Variants in MRTFA observed in about 807,000 individuals in gnomAD.
The protein encoded by MRTFA is myocardin-related transcription factor A.
A neutral mutation model predicts 83.5 loss-of-function variants in MRTFA; 20 were observed. That is an observed-to-expected ratio of 0.24 (90% CI 0.17 to 0.35). MRTFA has a LOEUF of 0.35. Among genes scored for constraint, MRTFA ranks in the 10% least tolerant of loss-of-function variants. The pLI is 1.00. For synonymous variants in MRTFA, 659 were observed against 541.2 expected (o/e 1.22, Z -3.02); for missense variants, 1,200 against 1,224.7 (o/e 0.98, Z 0.30).
At chr22:40,500,004 A>AC (rs569852359) in intron 3 of MRTFA, among the ~76,000 whole-genome samples, 177 of 133,392 alleles carry the variant, frequency 1.3e-3, no homozygotes, top group African/African-American at 4.9e-3. Context: ...TCACCGGCTC[A>AC]CCGCAACGTC....
At chr22:40,423,094 C>G (rs372773426) in intron 9 of MRTFA, among the ~76,000 whole-genome samples, 22 of 152,334 alleles carry the variant, frequency 1.4e-4, no homozygotes, top group Admixed American at 7.2e-4. Flanking sequence ...GTCCCCCACA[C>G]CGACAGTGGT....
At chr22:40,554,594 G>A (rs1320945842) in intron 2 of MRTFA, among the ~76,000 whole-genome samples, 3 of 152,198 alleles carry the variant, frequency 2.0e-5, no homozygotes, top group African/African-American at 7.2e-5. Context: ...CTGTGGAACT[G>A]TGAGTCAATT....
intron 9 of MRTFA, 131 bp from the exon 10 acceptor site, chr22:40,421,231 T>A: frequency 9.4e-7 from 1 of 1,060,796 alleles, no homozygotes; most frequent in Non-Finnish European, 1.3e-6. Context: ...ATTTCCACTC[T>A]TCCCTGTGGG....
intron 11 of MRTFA, 22 bp from the exon 12 acceptor site, chr22:40,419,406 G>A: frequency 6.2e-7 from 1 of 1,608,124 alleles, no homozygotes; most frequent in Non-Finnish European, 8.5e-7. Flanking sequence ...TCAAGAGTCA[G>A]GGAGGCCAGG....
chr22:40,532,589 G>A lies in MRTFA; in HGVS notation c.241+19517C>T, dbSNP rs946596004. Among the ~76,000 whole-genome samples, 3 of 152,228 alleles carry A rather than the reference G, an allele frequency of 2.0e-5. No individual in the cohort carries two copies. In the East Asian group the frequency reaches 5.8e-4, roughly 29 times the overall value. On this transcript the variant is annotated intron_variant, in intron 3 of 14. Transcript: ENST00000355630. ...TAAAACCAGAAAGAACAAAATGGTA[G>A]TGGTATCTGTCTTCTTTGCCCCTTC...
intron 2 of MRTFA, among the ~76,000 whole-genome samples, chr22:40,562,448 C>T (rs2055634227): frequency 1.3e-5 from 2 of 150,518 alleles, no homozygotes; most frequent in Non-Finnish European, 3.0e-5. Flanking sequence ...CTAAGCTAAG[C>T]CCTGTCCAAA....
intron 2 of MRTFA, among the ~76,000 whole-genome samples, chr22:40,572,313 T>C (rs2055807744): frequency 6.6e-6 from 1 of 152,146 alleles, no homozygotes; most frequent in Admixed American, 6.5e-5. Flanking sequence ...CTAAAAACCA[T>C]CAAATTGTAC....
chr22:40,441,599 A>G lies in MRTFA; in HGVS notation c.308-6045T>C, dbSNP rs529753863. On this transcript the variant is annotated intron_variant, in intron 4 of 14. Coordinates refer to ENST00000355630, the MANE Select transcript of MRTFA (RefSeq NM_020831.6). ...CAGGAGTTCGAGACCAGCCTGGCCA[A>G]CATGGTGAAACCACCCCCCACTACT... is the stretch of plus-strand genomic sequence containing the variant. Among the ~76,000 whole-genome samples the G allele has an allele frequency of 3.3e-5, 5 of 152,254 alleles. No homozygotes were observed. The South Asian group carries it at 8.3e-4, about 25-fold the overall frequency.
At chr22:40,574,594 C>T (rs187388660) in intron 2 of MRTFA, among the ~76,000 whole-genome samples, 7 of 151,882 alleles carry the variant, frequency 4.6e-5, no homozygotes, top group Admixed American at 2.6e-4. Flanking sequence ...ACCACCACGC[C>T]GGCTGATTTT....
intron 4 of MRTFA, among the ~76,000 whole-genome samples, chr22:40,449,215 C>T (rs2053440747): frequency 6.7e-6 from 1 of 148,474 alleles, no homozygotes; most frequent in Admixed American, 6.8e-5. Context: ...TGTAGTGAGC[C>T]GAGATTGCGC....
chr22:40,475,486 G>C (rs897085576), intron 3 of MRTFA, among the ~76,000 whole-genome samples: 1 of 151,924 alleles, frequency 6.6e-6, no homozygotes, highest in Non-Finnish European at 1.5e-5. Context: ...GCAGTGAGCC[G>C]AAATTGTGCC....
At chr22:40,452,581 G>C (rs957847466) in intron 4 of MRTFA, among the ~76,000 whole-genome samples, 1 of 151,936 alleles carries the variant, frequency 6.6e-6, no homozygotes, top group African/African-American at 2.4e-5. Context: ...CCAGCACTTT[G>C]GGGAGGTCGA....
chr22:40,595,849 G>A (rs939462144), intron 1 of MRTFA, among the ~76,000 whole-genome samples: 2 of 147,280 alleles, frequency 1.4e-5, no homozygotes, highest in African/African-American at 2.5e-5. Context: ...CAGAATCAAT[G>A]GTATATCTAA....
At chr22:40,441,816 G>GTATATATATATATATACATGTATGTA (rs754885390) in intron 4 of MRTFA, among the ~76,000 whole-genome samples, 1 of 119,970 alleles carries the variant, frequency 8.3e-6, no homozygotes, top group African/African-American at 3.0e-5. Flanking sequence ...ATGTATGTAT[G>GTATATATATATATATACATGTATGTA]TGTATATATA....
intron 11 of MRTFA, among the ~76,000 whole-genome samples, chr22:40,420,081 A>T (rs1322819387): frequency 6.6e-6 from 1 of 152,184 alleles, no homozygotes; most frequent in East Asian, 1.9e-4. Flanking sequence ...AGGGGCACCA[A>T]TCCCCACTTC....
intron 2 of MRTFA, among the ~76,000 whole-genome samples, chr22:40,591,509 G>A (rs764318633): frequency 2.0e-5 from 3 of 152,128 alleles, no homozygotes; most frequent in East Asian, 1.9e-4. Flanking sequence ...GATTAAATCC[G>A]ATGCAGAACT....
chr22:40,431,939 T>C (rs1476984664), intron 5 of MRTFA, among the ~76,000 whole-genome samples: 3 of 152,182 alleles, frequency 2.0e-5, no homozygotes, highest in African/African-American at 7.2e-5. Context: ...TGATTTTATA[T>C]CCTGCTTTAA....
intron 4 of MRTFA, among the ~76,000 whole-genome samples, chr22:40,443,971 T>A (rs189861269): frequency 2.0e-5 from 3 of 152,282 alleles, no homozygotes; most frequent in Admixed American, 6.5e-5. Flanking sequence ...ACAGACTACA[T>A]TGGGAGCTGG....
chr22:40,426,260 C>T (rs1236668271), intron 7 of MRTFA, among the ~76,000 whole-genome samples: 3 of 152,138 alleles, frequency 2.0e-5, no homozygotes, highest in African/African-American at 7.2e-5. Context: ...TGAGCCAAAC[C>T]TCCACCTCAG....
Sources: gnomAD v4.1 joint callset for allele counts (sites outside exome capture counted in the v4.1 genomes callset) on GRCh38, gnomAD v4.1.1 for gene constraint, MANE v1.5 for transcripts, NCBI Gene and HGNC (gene_info 2026-07-23, HGNC 2026-07-21) for gene names.